DCC: variants seen among roughly 807,000 people sequenced by gnomAD.
DCC encodes the protein DCC netrin 1 receptor.
A neutral mutation model predicts 172.5 loss-of-function variants in DCC; 58 were observed. That is an observed-to-expected ratio of 0.34 (90% confidence interval 0.27 to 0.42). The LOEUF (loss-of-function observed/expected upper bound fraction) is 0.42. DCC is among the 10% of genes least tolerant of loss of function. The probability of loss-of-function intolerance (pLI) is 1.00; values close to 1 mark genes in which losing one functional copy is unlikely to be tolerated. For synonymous variants in DCC, 709 were observed against 644.5 expected (o/e 1.10, Z -1.52); for missense variants, 1,740 against 1,791.0 (o/e 0.97, Z 0.51).
rs1264619436 is a variant in DCC, at chr18:53,533,155, A to G, written c.*2502A>G. 6.6e-6 allele frequency: 1 copy of G among 152,154 alleles called. No individual in the cohort carries two copies. The highest frequency in any genetic ancestry group is 2.4e-5 in the African/African-American group (1 of 41,434). The allele number at this position is 152,154 out of a possible 1,614,324, so 9.4% of individuals were successfully genotyped here. A position where few individuals can be genotyped will look rare whatever the true frequency, so the allele number is the denominator to read the frequency against. On this transcript the variant is annotated 3_prime_UTR_variant, in exon 29 of 29. Coordinates refer to ENST00000442544, the MANE Select transcript of DCC (RefSeq NM_005215.4). ...TATAACTCTGTTCCCTTTACCCTCAAATGATTCATATATGTATATAATTGC... is the reference window on the plus strand; with the variant it reads ...TATAACTCTGTTCCCTTTACCCTCAGATGATTCATATATGTATATAATTGC...
chr18:53,273,381 T>C (rs937916595), intron 12 of DCC, among the ~76,000 whole-genome samples: 1 of 152,100 alleles, frequency 6.6e-6, no homozygotes. Context: ...TCATCATGAT[T>C]ATATATATTA....
chr18:53,258,643 G>A (rs1014553587), intron 12 of DCC, among the ~76,000 whole-genome samples: 39 of 152,172 alleles, frequency 2.6e-4, no homozygotes, highest in East Asian at 7.7e-4. Flanking sequence ...TATGTGGTCA[G>A]TTTTGGAATA....
intron 1 of DCC, among the ~76,000 whole-genome samples, chr18:52,599,824 T>A (rs2144814326): frequency 6.6e-6 from 1 of 151,764 alleles, no homozygotes; most frequent in South Asian, 2.1e-4. Flanking sequence ...TGTCTATAAA[T>A]ATTTTAAAAA....
intron 1 of DCC, among the ~76,000 whole-genome samples, chr18:52,649,973 A>ATTTTTTTTTTTTTTTTTTTTTTTTTTTTT: frequency 9.4e-6 from 1 of 106,928 alleles, no homozygotes; most frequent in Non-Finnish European, 1.8e-5. Flanking sequence ...TGATAGTTCT[A>ATTTTTTTTTTTTTTTTTTTTTTTTTTTTT]TTTTTTTTTT....
intron 25 of DCC, among the ~76,000 whole-genome samples, chr18:53,474,134 T>A (rs2045732817): frequency 6.6e-6 from 1 of 152,192 alleles, no homozygotes; most frequent in Non-Finnish European, 1.5e-5. Context: ...CTAGATATAT[T>A]CTACTCTTGG....
At chr18:53,385,960 T>C in intron 15 of DCC, 83 bp from the exon 16 acceptor site, 1 of 914,832 alleles carries the variant, frequency 1.1e-6, no homozygotes, top group Non-Finnish European at 1.8e-6. Flanking sequence ...ATATGAAATT[T>C]GTTTTGAGGA....
intron 5 of DCC, among the ~76,000 whole-genome samples, chr18:52,936,161 T>G (rs1193954608): frequency 1.3e-5 from 2 of 152,162 alleles, no homozygotes; most frequent in African/African-American, 4.8e-5. Flanking sequence ...AGGTGCTTCT[T>G]CCCATTGCTA....
chr18:53,521,505 A>G (rs146741546), intron 27 of DCC, among the ~76,000 whole-genome samples: 47 of 152,264 alleles, frequency 3.1e-4, no homozygotes, highest in Middle Eastern at 6.8e-3. Context: ...TGTAAAACTG[A>G]CAAAAAAATT....
chr18:52,446,276 G>T (rs973748093), intron 1 of DCC, among the ~76,000 whole-genome samples: 6 of 152,216 alleles, frequency 3.9e-5, no homozygotes, highest in African/African-American at 1.4e-4. Context: ...GCAGGTTGTT[G>T]TTCATTTTAA....
intron 15 of DCC, among the ~76,000 whole-genome samples, chr18:53,351,442 T>C (rs1353855920): frequency 2.3e-5 from 1 of 43,086 alleles, no homozygotes. Context: ...ATATATACAG[T>C]GTATATATAT....
Position 52,897,057 on chromosome 18 carries a change from T to C in DCC, c.413-8987T>C, listed in dbSNP as rs115307331. On this transcript the variant is annotated intron_variant, in intron 2 of 28. Transcript: ENST00000442544. ...TTTGAAGGCCAGCTAAGAAATAACC[T>C]AGCAATGCTCTTAGGTGAGATTATG... 2.1e-3 allele frequency among the ~76,000 whole-genome samples: 315 copies of C among 152,284 alleles called. 1 individual carries two copies. The highest frequency in any genetic ancestry group is 7.2e-3 in the African/African-American group (299 of 41,542).
chr18:52,536,111 T>C (rs893999002), intron 1 of DCC, among the ~76,000 whole-genome samples: 1 of 152,070 alleles, frequency 6.6e-6, no homozygotes, highest in African/African-American at 2.4e-5. Flanking sequence ...ACAAAGTGTG[T>C]GGCTAGAAAG....
At chr18:53,162,243 G>A (rs1463321058) in intron 8 of DCC, among the ~76,000 whole-genome samples, 1 of 148,322 alleles carries the variant, frequency 6.7e-6, no homozygotes, top group Admixed American at 6.9e-5. Flanking sequence ...AGATGGCAGT[G>A]AGCCGAGATC....
chr18:53,401,766 T>C (rs981491951), intron 18 of DCC, among the ~76,000 whole-genome samples: 2 of 152,178 alleles, frequency 1.3e-5, no homozygotes, highest in African/African-American at 4.8e-5. Context: ...CTTGTGGCAT[T>C]GTGAGCTACC....
chr18:52,923,898 T>A, intron 4 of DCC, 41 bp downstream of exon 4: 1 of 1,411,916 alleles, frequency 7.1e-7, no homozygotes, highest in Non-Finnish European at 1.0e-6. Context: ...TGTACTTTTG[T>A]ATGGTATATG....
intron 2 of DCC, among the ~76,000 whole-genome samples, chr18:52,815,930 A>G (rs1396976235): frequency 6.6e-6 from 1 of 151,530 alleles, no homozygotes; most frequent in Non-Finnish European, 1.5e-5. Flanking sequence ...TACAACAGAG[A>G]ACAACTTTAT....
chr18:52,394,978 C>T (rs1369041373), intron 1 of DCC, among the ~76,000 whole-genome samples: 1 of 152,024 alleles, frequency 6.6e-6, no homozygotes, highest in East Asian at 1.9e-4. Flanking sequence ...GTCCCAGACA[C>T]ACAGCCTGCG....
chr18:52,430,505 G>A (rs970752586), intron 1 of DCC, among the ~76,000 whole-genome samples: 2 of 152,102 alleles, frequency 1.3e-5, no homozygotes, highest in African/African-American at 4.8e-5. Flanking sequence ...TGTTTGCTAG[G>A]GAAGGGAAAG....
chr18:52,576,904 C>T (rs1326439977), intron 1 of DCC, among the ~76,000 whole-genome samples: 2 of 151,406 alleles, frequency 1.3e-5, no homozygotes, highest in Admixed American at 6.6e-5. Flanking sequence ...TCCTGTCCTT[C>T]CTTCAATGAG....
Sources: allele counts gnomAD v4.1 joint callset (sites outside exome capture counted in the v4.1 genomes callset), GRCh38; gene constraint gnomAD v4.1.1; transcripts MANE v1.5; gene names NCBI Gene and HGNC (gene_info 2026-07-23, HGNC 2026-07-21).